PCDHGA7: variants seen among roughly 807,000 people sequenced by gnomAD.
PCDHGA7 encodes the protein protocadherin gamma subfamily A, 7, also known as protocadherin gamma-A7.
PCDHGA7 carries 44 observed loss-of-function variants against 58.3 expected under a neutral mutation model. That is an observed-to-expected ratio of 0.75 (90% confidence interval 0.59 to 0.97). The LOEUF is 0.97. PCDHGA7 is among the 50% of genes least tolerant of loss of function. The pLI is 0.00. For synonymous variants in PCDHGA7, 516 were observed against 504.2 expected, an observed-to-expected ratio of 1.02 and a Z score of -0.31; for missense variants, 1,266 against 1,188.7, an observed-to-expected ratio of 1.06 and a Z score of -0.96.
intron 1 of PCDHGA7, among the ~76,000 whole-genome samples, chr5:141,460,992 T>C (rs2099006034): frequency 6.6e-6 from 1 of 151,316 alleles, no homozygotes; most frequent in South Asian, 2.1e-4. Context: ...TGTATATATA[T>C]ATATGTGTAT....
At chr5:141,506,682 C>T (rs1333272766) in intron 3 of PCDHGA7, among the ~76,000 whole-genome samples, 4 of 152,192 alleles carry the variant, frequency 2.6e-5, no homozygotes, top group African/African-American at 9.6e-5. Context: ...ATATTATTAT[C>T]TTTGCTGACC....
At chr5:141,398,267 T>G (rs757957397) in intron 1 of PCDHGA7, 2 of 1,435,108 alleles carry the variant, frequency 1.4e-6, no homozygotes, top group East Asian at 2.5e-5. Context: ...GGCTCCGTAG[T>G]GGGGAACCTC....
In PCDHGA7 at chr5:141,432,017, A is replaced by G. The variant is rs372826902; in HGVS notation, c.2424+46694A>G. The stretch of plus-strand genomic sequence containing the variant: ...TAGGGAACAGGTTCCTAGCTACAAC[A>G]TCACAGTGACCGCCACTGACCGGGG... On this transcript the variant is annotated intron_variant, in intron 1 of 3. Coordinates refer to ENST00000518325, the MANE Select transcript of PCDHGA7 (RefSeq NM_018920.4). This position sits in a 1 kb window ranked among gnomAD's most constrained non-coding sequence, Gnocchi z 6.0. The G allele has an allele frequency of 6.2e-7, 1 of 1,614,224 alleles. No individual in the cohort carries two copies. Among genetic ancestry groups the G allele is most frequent in the Non-Finnish European group, 8.5e-7 (1 of 1,180,038 alleles).
chr5:141,455,593 C>T (rs957677108), intron 1 of PCDHGA7, among the ~76,000 whole-genome samples: 4 of 152,070 alleles, frequency 2.6e-5, no homozygotes, highest in Non-Finnish European at 5.9e-5. Flanking sequence ...AATATGCAAA[C>T]GTAGGGCGCC....
chr5:141,478,145 T>C (rs1252008984), intron 1 of PCDHGA7: 1 of 1,614,026 alleles, frequency 6.2e-7, no homozygotes. Context: ...CCGAGCCGAG[T>C]TCCCCTCTGG....
rs369551410 is a variant in PCDHGA7, at chr5:141,415,294, G to A, written c.2424+29971G>A. ...GGTAGCGGTGGCCGCGGTCTCCTGC[G>A]TCTTCCTGGCCTTCGTCATCGTGCT... On this transcript the variant is annotated intron_variant, in intron 1 of 3. Transcript: ENST00000518325. 10 of 1,614,050 alleles carry A rather than the reference G, an allele frequency of 6.2e-6. No homozygotes were observed. In the African/African-American group the frequency reaches 1.1e-4, roughly 17 times the overall value.
intron 1 of PCDHGA7, among the ~76,000 whole-genome samples, chr5:141,472,273 G>A (rs2099275685): frequency 6.6e-6 from 1 of 152,170 alleles, no homozygotes; most frequent in South Asian, 2.1e-4. Context: ...CGGGCACAGT[G>A]GCTCACACCT....
intron 1 of PCDHGA7, chr5:141,399,059 A>G (rs769553635): frequency 1.2e-6 from 2 of 1,613,764 alleles, no homozygotes; most frequent in Middle Eastern, 1.6e-4. Context: ...ACCAAGGAAT[A>G]TTCAATGGTT....
At chr5:141,408,308 T>C in intron 1 of PCDHGA7, 1 of 1,613,744 alleles carries the variant, frequency 6.2e-7, no homozygotes, top group South Asian at 1.1e-5. Flanking sequence ...GATCCGCTAC[T>C]CGATTCCGGA....
intron 1 of PCDHGA7, chr5:141,393,906 G>C: frequency 1.2e-6 from 2 of 1,613,998 alleles, no homozygotes; most frequent in Non-Finnish European, 1.7e-6. Context: ...TCCCGGGACA[G>C]TAATTGCCTT....
At chr5:141,464,263 TAA>T (rs35224477) in intron 1 of PCDHGA7, among the ~76,000 whole-genome samples, 15 of 103,552 alleles carry the variant, frequency 1.4e-4, no homozygotes, top group Admixed American at 3.2e-4. Context: ...AGACTCCGTC[TAA>T]AAAAAAAAAA....
rs368792885 is a variant in PCDHGA7, at chr5:141,394,552, G to A, written c.2424+9229G>A. 7.4e-5 allele frequency: 119 copies of A among 1,613,952 alleles called. No homozygotes were observed. Among genetic ancestry groups the A allele is most frequent in the Admixed American group, 8.3e-5 (5 of 60,012 alleles). On this transcript the variant is annotated intron_variant, in intron 1 of 3. Transcript: ENST00000518325. ...TCCACTGGCGTGGAGCTGGCGCCCCGCTCCGCAGAGCGTGGCTACCTGGTG... is the reference window on the plus strand; with the variant it reads ...TCCACTGGCGTGGAGCTGGCGCCCCACTCCGCAGAGCGTGGCTACCTGGTG...
rs202065305 is a variant in PCDHGA7 at position 141,410,175 on chromosome 5, C to A, written c.2424+24852C>A. 1.1e-5 allele frequency: 17 copies of A among 1,613,752 alleles called. No homozygotes were observed. In the African/African-American group the frequency reaches 2.1e-4, roughly 20 times the overall value. ...GGACAGCCGCCACTCTCTGCCACCG[C>A]CACGCTTCATCTGGTCTTCGCAGAC... On this transcript the variant is annotated intron_variant, in intron 1 of 3. Transcript: ENST00000518325.
At chr5:141,387,772 T>G in intron 1 of PCDHGA7, 1 of 1,442,780 alleles carries the variant, frequency 6.9e-7, no homozygotes, top group Non-Finnish European at 9.2e-7. Flanking sequence ...GAATTTTTTC[T>G]TGAACTGGAA....
At chr5:141,441,831 C>T in intron 1 of PCDHGA7, 3 of 352,742 alleles carry the variant, frequency 8.5e-6, no homozygotes, top group South Asian at 7.2e-5. Context: ...AGCGCAATGG[C>T]TTCGCGCTCT....
intron 1 of PCDHGA7, chr5:141,478,633 T>C: frequency 6.4e-7 from 1 of 1,553,032 alleles, no homozygotes; most frequent in Non-Finnish European, 8.7e-7. Context: ...GTTTTTTTAG[T>C]GATGAAGATG....
intron 1 of PCDHGA7, chr5:141,399,490 G>A (rs750081604): frequency 1.1e-5 from 17 of 1,614,036 alleles, no homozygotes; most frequent in Non-Finnish European, 1.4e-5. Flanking sequence ...GTCCTACTTA[G>A]TCAGTGTACC....
At position 141,511,462 on chromosome 5, in the gene PCDHGA7, C is replaced by A. The variant is rs1385398410; in HGVS notation, c.*289C>A. ...AGACACCAAGAACCATTTGCCACAC[C>A]CCGTTTAGTTACAGCTGAACTCCTC... On this transcript the variant is annotated 3_prime_UTR_variant, in exon 4 of 4. Coordinates refer to ENST00000518325, the MANE Select transcript of PCDHGA7 (RefSeq NM_018920.4). The A allele has an allele frequency of 4.7e-5, 26 of 556,350 alleles. No individual in the cohort carries two copies. Among genetic ancestry groups the A allele is most frequent in the Non-Finnish European group, 9.1e-6 (3 of 329,202 alleles). 34.5% of individuals were successfully genotyped at this position (556,350 alleles called of 1,614,324 possible). A position where few individuals can be genotyped will look rare whatever the true frequency, so the allele number is the denominator to read the frequency against.
chr5:141,496,621 CA>C (rs2099769988), intron 2 of PCDHGA7, among the ~76,000 whole-genome samples: 1 of 152,332 alleles, frequency 6.6e-6, no homozygotes, highest in Non-Finnish European at 1.5e-5. Flanking sequence ...AGCAGCAGAT[CA>C]AAAGGCTTGG....
Sources: gnomAD v4.1 joint callset for allele counts (sites outside exome capture counted in the v4.1 genomes callset) on GRCh38, gnomAD v4.1.1 for gene constraint, Gnocchi (gnomAD v3.1) non-coding constraint, MANE v1.5 for transcripts, NCBI Gene and HGNC (gene_info 2026-07-23, HGNC 2026-07-21) for gene names.